Variants in PARD3 observed in about 807,000 individuals in gnomAD.
PARD3 encodes the protein par-3 family cell polarity regulator.
PARD3 carries 75 observed loss-of-function variants against 155.4 expected under a neutral mutation model. The ratio of observed to expected loss-of-function variants is 0.48; its 90% CI spans 0.40 to 0.58. The LOEUF is 0.58. Ranked by LOEUF, PARD3 falls within the 20% of genes least tolerant of loss-of-function variation. PARD3 has a pLI of 0.00. For synonymous variants in PARD3, 576 were observed against 610.5 expected (o/e 0.94, Z 0.83); for missense variants, 1,642 against 1,721.7 (o/e 0.95, Z 0.82).
At chr10:34,645,095 C>A (rs1173092698) in intron 2 of PARD3, among the ~76,000 whole-genome samples, 1 of 152,208 alleles carries the variant, frequency 6.6e-6, no homozygotes, top group Non-Finnish European at 1.5e-5. Flanking sequence ...TCAAATGATC[C>A]TCTCGCCTTG....
At chr10:34,647,226 C>A (rs970599478) in intron 2 of PARD3, among the ~76,000 whole-genome samples, 2 of 152,168 alleles carry the variant, frequency 1.3e-5, no homozygotes, top group African/African-American at 2.4e-5. Context: ...TTATTATAAA[C>A]AACAAGTCAT....
At chr10:34,131,344 G>T in intron 23 of PARD3, 119 bp downstream of exon 23, 1 of 1,043,582 alleles carries the variant, frequency 9.6e-7, no homozygotes, top group East Asian at 2.4e-5. Flanking sequence ...TATGTTAAAG[G>T]TCAAAGGAAT....
intron 3 of PARD3, among the ~76,000 whole-genome samples, chr10:34,509,014 C>T (rs2081249801): frequency 6.6e-6 from 1 of 152,150 alleles, no homozygotes; most frequent in Non-Finnish European, 1.5e-5. Context: ...GCCCAGTGTC[C>T]AAGATGGTGT....
intron 1 of PARD3, among the ~76,000 whole-genome samples, chr10:34,702,782 T>G (rs2094303522): frequency 6.6e-6 from 1 of 152,206 alleles, no homozygotes; most frequent in Non-Finnish European, 1.5e-5. Flanking sequence ...AAGCTCACAG[T>G]GTACGCCCGT....
chr10:34,155,386 T>C (rs982333678), intron 22 of PARD3, among the ~76,000 whole-genome samples: 1 of 151,992 alleles, frequency 6.6e-6, no homozygotes, highest in African/African-American at 2.4e-5. Context: ...AGAATAACAA[T>C]AGAGGAGACT....
intron 9 of PARD3, among the ~76,000 whole-genome samples, chr10:34,379,841 C>T (rs1841643781): frequency 6.6e-6 from 1 of 152,014 alleles, no homozygotes; most frequent in African/African-American, 2.4e-5. Context: ...ATTAAGAAAT[C>T]ATAATTATGG....
At chr10:34,797,188 T>C (rs959666669) in intron 1 of PARD3, among the ~76,000 whole-genome samples, 2 of 152,178 alleles carry the variant, frequency 1.3e-5, no homozygotes, top group African/African-American at 4.8e-5. Context: ...TCTTGCTCTG[T>C]CACCCAGGCT....
intron 2 of PARD3, among the ~76,000 whole-genome samples, chr10:34,678,847 G>C (rs770212292): frequency 6.6e-5 from 10 of 151,918 alleles, no homozygotes; most frequent in Non-Finnish European, 1.2e-4. Flanking sequence ...TTTTAAGGAA[G>C]TTTCTGTACC....
At chr10:34,127,172 T>C (rs1264528022) in intron 23 of PARD3, among the ~76,000 whole-genome samples, 10 of 152,090 alleles carry the variant, frequency 6.6e-5, no homozygotes, top group Admixed American at 6.6e-4. Flanking sequence ...TCATTTTCAC[T>C]TTTCCCAATG....
chr10:34,744,218 A>G (rs1325876481), intron 1 of PARD3, among the ~76,000 whole-genome samples: 1 of 152,230 alleles, frequency 6.6e-6, no homozygotes, highest in African/African-American at 2.4e-5. Context: ...TTAAAATGCA[A>G]CAAGCCAGAC....
intron 5 of PARD3, among the ~76,000 whole-genome samples, chr10:34,418,189 T>G (rs1008031657): frequency 2.0e-5 from 3 of 152,194 alleles, no homozygotes; most frequent in African/African-American, 7.2e-5. Context: ...AGATATTTAC[T>G]GTTTGAGGCG....
chr10:34,565,451 G>C (rs2085854164), intron 2 of PARD3, among the ~76,000 whole-genome samples: 1 of 151,544 alleles, frequency 6.6e-6, no homozygotes, highest in African/African-American at 2.4e-5. Flanking sequence ...ATTTTTAGTA[G>C]AGACAGGGTT....
intron 22 of PARD3, among the ~76,000 whole-genome samples, chr10:34,266,370 C>T (rs1184799171): frequency 6.6e-6 from 1 of 152,190 alleles, no homozygotes; most frequent in East Asian, 1.9e-4. Context: ...TGAAGAAGTG[C>T]TTTACAGGTA....
At chr10:34,689,963 G>A (rs2133417534) in intron 2 of PARD3, among the ~76,000 whole-genome samples, 1 of 151,136 alleles carries the variant, frequency 6.6e-6, no homozygotes, top group South Asian at 2.1e-4. Flanking sequence ...ATTTATTTAT[G>A]AGACAGAGTC....
chr10:34,399,748 A>G (rs7921237), intron 6 of PARD3, among the ~76,000 whole-genome samples: 13,566 of 152,184 alleles, frequency 0.089, 844 homozygotes, highest in African/African-American at 0.18. Context: ...TCTTTCAAGT[A>G]AAATCTTTAG....
chr10:34,246,012 G>C (rs1170968238), intron 22 of PARD3, among the ~76,000 whole-genome samples: 1 of 152,214 alleles, frequency 6.6e-6, no homozygotes, highest in Non-Finnish European at 1.5e-5. Context: ...CCAAAAGGTG[G>C]GGATCAGCAG....
At chr10:34,457,204 T>C (rs2077383660) in intron 4 of PARD3, among the ~76,000 whole-genome samples, 2 of 152,118 alleles carry the variant, frequency 1.3e-5, no homozygotes, top group South Asian at 2.1e-4. Context: ...TGAAAAAGGA[T>C]TGGTCAAAAA....
intron 22 of PARD3, among the ~76,000 whole-genome samples, chr10:34,160,702 C>A (rs1949232962): frequency 6.6e-6 from 1 of 152,018 alleles, no homozygotes; most frequent in African/African-American, 2.4e-5. Context: ...AAAAATAAAG[C>A]AAGAGAACAA....
intron 1 of PARD3, among the ~76,000 whole-genome samples, chr10:34,751,445 G>C (rs992351420): frequency 6.6e-6 from 1 of 152,154 alleles, no homozygotes; most frequent in Non-Finnish European, 1.5e-5. Flanking sequence ...TCTATTGCAG[G>C]AGCTGGCACT....
Sources: gnomAD v4.1 joint callset for allele counts (sites outside exome capture counted in the v4.1 genomes callset) on GRCh38, gnomAD v4.1.1 for gene constraint, MANE v1.5 for transcripts, NCBI Gene and HGNC (gene_info 2026-07-23, HGNC 2026-07-21) for gene names.